The following NOXRED1 variants were observed in gnomAD, a reference collection of about 807,000 sequenced individuals.
NOXRED1 encodes NADP-dependent oxidoreductase domain-containing protein 1.
Under a neutral mutation model 30.4 loss-of-function variants are expected in NOXRED1, and 20 were observed. The ratio of observed to expected loss-of-function variants is 0.66; its 90% CI spans 0.46 to 0.96. The LOEUF (loss-of-function observed/expected upper bound fraction) is 0.96. Ranked by LOEUF, NOXRED1 falls within the 40% of genes least tolerant of loss-of-function variation. The pLI is 0.00. For missense variants in NOXRED1, 374 were observed against 428.0 expected, an observed-to-expected ratio of 0.87 and a Z score of 1.11; for synonymous variants, 155 against 168.0, an observed-to-expected ratio of 0.92 and a Z score of 0.60.
At chr14:77,395,347 C>T (rs891805957) in intron 5 of NOXRED1, among the ~76,000 whole-genome samples, 2 of 151,972 alleles carry the variant, frequency 1.3e-5, no homozygotes, top group Non-Finnish European at 2.9e-5. Flanking sequence ...ACCTTGTGAT[C>T]TGCCCGTCTC....
At chr14:77,403,997 A>C (rs1406027764) in intron 5 of NOXRED1, among the ~76,000 whole-genome samples, 3 of 152,176 alleles carry the variant, frequency 2.0e-5, no homozygotes, top group Non-Finnish European at 4.4e-5. Context: ...CTGTAGATGC[A>C]ATCCCTCAAA....
chr14:77,408,386 A>G (rs1894542171), intron 2 of NOXRED1, among the ~76,000 whole-genome samples: 1 of 151,766 alleles, frequency 6.6e-6, no homozygotes, highest in Admixed American at 6.6e-5. Flanking sequence ...TGTAGAGACA[A>G]GGTCTCACTA....
At chr14:77,408,934 G>A (rs534376868) in intron 2 of NOXRED1, among the ~76,000 whole-genome samples, 1 of 73,304 alleles carries the variant, frequency 1.4e-5, no homozygotes, top group South Asian at 5.4e-4. Context: ...GGATCTCACT[G>A]TTATCCAGGC....
chr14:77,397,267 T>C (rs1013578791), intron 5 of NOXRED1, among the ~76,000 whole-genome samples: 3 of 152,234 alleles, frequency 2.0e-5, no homozygotes, highest in Admixed American at 1.3e-4. Context: ...TCCAGAGACT[T>C]GCTGAATGAA....
chr14:77,412,427 G>A (rs959322103), intron 2 of NOXRED1, among the ~76,000 whole-genome samples: 4 of 152,168 alleles, frequency 2.6e-5, no homozygotes, highest in African/African-American at 4.8e-5. Flanking sequence ...AGCACACCCT[G>A]CTAGGGAGAT....
chr14:77,411,625 G>A (rs7149349), intron 2 of NOXRED1, among the ~76,000 whole-genome samples: 4,140 of 152,180 alleles, frequency 0.027, 191 homozygotes, highest in African/African-American at 0.095. Context: ...TCAGATTGTT[G>A]GTTTCATGGG....
At position 77,419,072 on chromosome 14, in the gene NOXRED1, T is replaced by C. The variant is rs180996225; in HGVS notation, c.155+3663A>G. On this transcript the variant is annotated intron_variant, in intron 1 of 5. Coordinates refer to ENST00000380835, the MANE Select transcript of NOXRED1 (RefSeq NM_001113475.3). ...TATCTGGGAAGCTCTTTCTTTCTCT[T>C]TTTTTTTTTTTTTCTTGAGATAGAG... 3.2e-4 allele frequency among the ~76,000 whole-genome samples: 48 copies of C among 148,622 alleles called. 1 individual carries two copies. Among genetic ancestry groups the C allele is most frequent in the African/African-American group, 9.4e-4 (38 of 40,606 alleles).
intron 1 of NOXRED1, among the ~76,000 whole-genome samples, chr14:77,416,958 ACTG>A (rs1047331951): frequency 1.2e-4 from 19 of 152,346 alleles, no homozygotes; most frequent in African/African-American, 4.3e-4. Context: ...TGCTCATAGT[ACTG>A]CTTTTGTTGC....
chr14:77,419,081 T>TG (rs1894914626), intron 1 of NOXRED1, among the ~76,000 whole-genome samples: 1 of 151,556 alleles, frequency 6.6e-6, no homozygotes, highest in South Asian at 2.1e-4. Flanking sequence ...TTTTTTTTTT[T>TG]TTTTCTTGAG....
chr14:77,415,623 T>C (rs144557543), intron 1 of NOXRED1, among the ~76,000 whole-genome samples: 6,335 of 143,462 alleles, frequency 0.044, 166 homozygotes, highest in Middle Eastern at 0.062. Context: ...GATAGATAGA[T>C]AGATAGATAG....
intron 4 of NOXRED1, chr14:77,406,463 G>A: frequency 3.4e-6 from 2 of 596,906 alleles, no homozygotes; most frequent in Non-Finnish European, 6.0e-6. Context: ...AGCCATTTTA[G>A]TCCAACATTA....
At chr14:77,423,901 A>G (rs559087923), upstream of NOXRED1, among the ~76,000 whole-genome samples, 16 of 152,316 alleles carry the variant, frequency 1.1e-4, no homozygotes, top group Middle Eastern at 3.4e-3. Flanking sequence ...TACATTCAGA[A>G]TGTTGTGCCA....
At chr14:77,408,499 C>CT (rs1313737697) in intron 2 of NOXRED1, among the ~76,000 whole-genome samples, 5 of 151,226 alleles carry the variant, frequency 3.3e-5, no homozygotes, top group African/African-American at 4.9e-5. Context: ...GCTGCCCAGA[C>CT]TTTTTTTTTA....
rs1444733593 is a variant in NOXRED1 at position 77,407,553 on chromosome 14, G to A, written c.442C>T (p.Gln148Ter). The A allele has an allele frequency of 6.8e-6, 11 of 1,613,930 alleles. No individual in the cohort carries two copies. The highest frequency in any genetic ancestry group is 9.3e-6 in the Non-Finnish European group (11 of 1,179,776). Residue 148 changes from glutamine to a stop codon, truncating the protein, a stop_gained, in exon 3 of 6, where the codon CAG (glutamine) becomes TAG (stop). Coordinates refer to ENST00000380835, the MANE Select transcript of NOXRED1 (RefSeq NM_001113475.3). LOFTEE classifies it high-confidence loss of function. ...DVIFLCCLPSQLPNICVEIYT... is the reference protein window; with the variant it reads ...DVIFLCCLPS ...ATTTCTACGCAGATATTAGGCAGCTGAGACGGCAAGCAGCAGAGGAATATC... is the reference window on the plus strand; with the variant it reads ...ATTTCTACGCAGATATTAGGCAGCTAAGACGGCAAGCAGCAGAGGAATATC...
At chr14:77,413,353 G>C (rs1235621962) in intron 2 of NOXRED1, among the ~76,000 whole-genome samples, 1 of 150,794 alleles carries the variant, frequency 6.6e-6, no homozygotes, top group Admixed American at 6.6e-5. Flanking sequence ...ATTCTCCTGC[G>C]TCAGCCTCCT....
chr14:77,422,725 C>T lies in NOXRED1; in HGVS notation c.155+10G>A. ...TTGTCCATCTTCCTGAATTTGGATA[C>T]TCGGCTTACCTCAAATTATATAATA... On this transcript the variant is annotated intron_variant, in intron 1 of 5. Coordinates refer to ENST00000380835, the MANE Select transcript of NOXRED1 (RefSeq NM_001113475.3). 6.2e-7 allele frequency: 1 copy of T among 1,613,422 alleles called. No homozygotes were observed. Among genetic ancestry groups the T allele is most frequent in the Non-Finnish European group, 8.5e-7 (1 of 1,179,360 alleles).
chr14:77,408,892 A>ATTTTTTTTTTTTTTT lies in NOXRED1; in HGVS notation c.350-1262_350-1248dup, dbSNP rs1177680524. On this transcript the variant is annotated intron_variant, in intron 2 of 5. Coordinates refer to ENST00000380835, the MANE Select transcript of NOXRED1 (RefSeq NM_001113475.3). ...GCATAAAAACACTCACTGGTAGTTA[A>ATTTTTTTTTTTTTTT]TTTTTTTTTTTTTTTTTTTTGGCTA... 5.2e-3 allele frequency among the ~76,000 whole-genome samples: 355 copies of ATTTTTTTTTTTTTTT among 68,150 alleles called. 57 individuals are homozygous for ATTTTTTTTTTTTTTT. The highest frequency in any genetic ancestry group is 8.7e-3 in the East Asian group (18 of 2,062). 44.7% of individuals were successfully genotyped at this position (68,150 alleles called of 152,430 possible).
intron 1 of NOXRED1, among the ~76,000 whole-genome samples, chr14:77,417,350 C>A (rs185468098): frequency 2.5e-4 from 38 of 152,284 alleles, no homozygotes; most frequent in Non-Finnish European, 2.4e-4. Flanking sequence ...TCCTTACTAA[C>A]CTTTTGTCTG....
intron 5 of NOXRED1, among the ~76,000 whole-genome samples, chr14:77,400,034 A>G (rs1894285805): frequency 6.6e-6 from 1 of 152,210 alleles, no homozygotes; most frequent in African/African-American, 2.4e-5. Context: ...GATTTTTAGG[A>G]TCATGCAAGC....
Sources: gnomAD v4.1 joint callset for allele counts (sites outside exome capture counted in the v4.1 genomes callset) on GRCh38, gnomAD v4.1.1 for gene constraint, MANE v1.5 for transcripts, NCBI Gene and HGNC (gene_info 2026-07-23, HGNC 2026-07-21) for gene names.